Variants in CYP2C8 observed in about 807,000 individuals in gnomAD.
The protein encoded by CYP2C8 is cytochrome P450 2C8.
A neutral mutation model predicts 41.3 loss-of-function variants in CYP2C8; 51 were observed. The ratio of observed to expected loss-of-function variants is 1.24; its 90% CI spans 0.99 to 1.56. CYP2C8 has a LOEUF of 1.56. Ranked by LOEUF, CYP2C8 falls within the 40% of genes most tolerant of loss-of-function variation. The pLI, the probability that CYP2C8 is intolerant of heterozygous loss-of-function variation, is 0.00. For synonymous variants in CYP2C8, 218 were observed against 205.8 expected (o/e 1.06, Z -0.51); for missense variants, 651 against 579.9 (o/e 1.12, Z -1.26).
At position 95,065,252 on chromosome 10, in the gene CYP2C8, A is replaced by T. The variant is rs926422186; in HGVS notation, c.482-292T>A. On this transcript the variant is annotated intron_variant, in intron 3 of 8. Coordinates refer to ENST00000371270, the MANE Select transcript of CYP2C8 (RefSeq NM_000770.3). ...CTTTTATTTTGGAAGGAAAAAGAAG[A>T]CTTTTTTGAAATCCTAATAATTCAA... Among the ~76,000 whole-genome samples, 5 of 152,226 alleles carry T rather than the reference A, an allele frequency of 3.3e-5. No individual in the cohort carries two copies. The East Asian group carries it at 9.6e-4, about 29-fold the overall frequency.
At chr10:95,047,910 A>G (rs2033139997) in intron 5 of CYP2C8, among the ~76,000 whole-genome samples, 1 of 152,200 alleles carries the variant, frequency 6.6e-6, no homozygotes, top group Admixed American at 6.5e-5. Flanking sequence ...TGTGTGAACA[A>G]GGTAATATCC....
chr10:95,066,119 TGAGAGAGAGAGA>T (rs144502351), intron 3 of CYP2C8, among the ~76,000 whole-genome samples: 11 of 97,780 alleles, frequency 1.1e-4, no homozygotes, highest in East Asian at 5.2e-4. Context: ...GAAGCCTTGG[TGAGAGAGAGAGA>T]GAGAGAGAGA....
intron 5 of CYP2C8, among the ~76,000 whole-genome samples, chr10:95,057,134 G>T (rs2033330326): frequency 6.6e-6 from 1 of 152,078 alleles, no homozygotes; most frequent in Non-Finnish European, 1.5e-5. Flanking sequence ...ACTCCTGGGT[G>T]TTGCCATGGG....
At chr10:95,064,096 C>T (rs528135720) in intron 4 of CYP2C8, among the ~76,000 whole-genome samples, 6 of 152,276 alleles carry the variant, frequency 3.9e-5, no homozygotes, top group South Asian at 2.1e-4. Context: ...TTGAGGAGAC[C>T]GTCTGTCCAT....
intron 5 of CYP2C8, among the ~76,000 whole-genome samples, chr10:95,049,534 A>G (rs1463879638): frequency 1.3e-5 from 2 of 152,132 alleles, no homozygotes; most frequent in Non-Finnish European, 2.9e-5. Context: ...GCTGATGCCC[A>G]CTCACAGAGG....
At chr10:95,049,127 C>T (rs2033165435) in intron 5 of CYP2C8, among the ~76,000 whole-genome samples, 1 of 152,002 alleles carries the variant, frequency 6.6e-6, no homozygotes, top group Admixed American at 6.6e-5. Flanking sequence ...AGAAAAAAAT[C>T]CGAATAATCC....
Position 95,058,587 on chromosome 10 carries a change from A to G in CYP2C8, c.643-76T>C, listed in dbSNP as rs538902123. The G allele has an allele frequency of 4.8e-5, 61 of 1,279,944 alleles. 1 individual carries two copies. In the South Asian group the frequency reaches 7.9e-4, roughly 16 times the overall value. The allele number at this position is 1,279,944 out of a possible 1,614,324, so 79.3% of individuals were successfully genotyped here. ...CTTACACCAAGCCCTGATTGAAATT[A>G]TAACTATAAATATGAATAAGACATC... On this transcript the variant is annotated intron_variant, in intron 4 of 8. Coordinates refer to ENST00000371270, the MANE Select transcript of CYP2C8 (RefSeq NM_000770.3).
chr10:95,039,392 C>T (rs1031586801), intron 7 of CYP2C8: 46 of 296,024 alleles, frequency 1.6e-4, no homozygotes, highest in African/African-American at 9.9e-4. Context: ...AAATGGAAGT[C>T]TCTGTTGACA....
chr10:95,060,708 C>T (rs184779155), intron 4 of CYP2C8, among the ~76,000 whole-genome samples: 19 of 152,260 alleles, frequency 1.2e-4, no homozygotes, highest in African/African-American at 4.3e-4. Flanking sequence ...GAGAGGGCAT[C>T]CCTGTCTTGT....
intron 7 of CYP2C8, among the ~76,000 whole-genome samples, 173 bp downstream of exon 7, chr10:95,042,717 A>T (rs2033027095): frequency 1.3e-5 from 2 of 152,198 alleles, no homozygotes; most frequent in South Asian, 4.1e-4. Flanking sequence ...TATTAAGGAG[A>T]CCTAGCTTTA....
At chr10:95,064,507 A>G (rs1013474357) in intron 4 of CYP2C8, among the ~76,000 whole-genome samples, 5 of 152,200 alleles carry the variant, frequency 3.3e-5, no homozygotes, top group Non-Finnish European at 4.4e-5. Flanking sequence ...GAGTGACCCA[A>G]TTTTCCAGGT....
chr10:95,051,669 T>C (rs1175015936), intron 5 of CYP2C8, among the ~76,000 whole-genome samples: 2 of 152,146 alleles, frequency 1.3e-5, no homozygotes, highest in African/African-American at 4.8e-5. Flanking sequence ...TAAGTCAATT[T>C]TGTATAAGTT....
rs1228258261 is a variant in CYP2C8, at chr10:95,037,051, C to T, written c.*77G>A. The T allele has an allele frequency of 6.0e-6, 8 of 1,324,164 alleles. No individual in the cohort carries two copies. In the African/African-American group the frequency reaches 7.3e-5, roughly 12 times the overall value. 82.0% of individuals were successfully genotyped at this position (1,324,164 alleles called of 1,614,324 possible). Reference sequence around the variant, plus strand: ...AGATTTGATGAGAGGTCAGAGAAGACATAATAGTGGGAATGTCCTTGATAA... The same window carrying T: ...AGATTTGATGAGAGGTCAGAGAAGATATAATAGTGGGAATGTCCTTGATAA... On this transcript the variant is annotated 3_prime_UTR_variant, in exon 9 of 9. Transcript: ENST00000371270.
chr10:95,038,806 C>T (rs1008002443), intron 8 of CYP2C8, 91 bp downstream of exon 8: 6 of 1,223,960 alleles, frequency 4.9e-6, no homozygotes, highest in Admixed American at 1.8e-5. Flanking sequence ...AGCAATTCTA[C>T]CAGCCCCAGA....
chr10:95,044,605 T>C (rs1278091196), intron 6 of CYP2C8, among the ~76,000 whole-genome samples: 1 of 152,128 alleles, frequency 6.6e-6, no homozygotes, highest in Non-Finnish European at 1.5e-5. Context: ...GAATAGATCT[T>C]TCTCAAACCT....
chr10:95,046,001 T>A, intron 5 of CYP2C8, 50 bp from the exon 6 acceptor site: 1 of 1,591,732 alleles, frequency 6.3e-7, no homozygotes, highest in Non-Finnish European at 8.6e-7. Context: ...CCAGTATATC[T>A]AAATACACTA....
intron 4 of CYP2C8, among the ~76,000 whole-genome samples, chr10:95,061,231 T>C (rs2033421264): frequency 6.6e-6 from 1 of 152,230 alleles, no homozygotes; most frequent in Non-Finnish European, 1.5e-5. Context: ...AGCTCCTCCT[T>C]GTACCTCTGA....
Position 95,068,476 on chromosome 10 carries a change from TTCACA to T in CYP2C8, c.168+754_168+758del, listed in dbSNP as rs1373159699. On this transcript the variant is annotated intron_variant, in intron 1 of 8. Coordinates refer to ENST00000371270, the MANE Select transcript of CYP2C8 (RefSeq NM_000770.3). ...TTGCCCTGAACCCACAGATATTTAT[TTCACA>T]TCAGCCATCAAATGAATCTTCAGAG... The T allele has an allele frequency of 3.8e-5, 25 of 659,674 alleles. No individual in the cohort carries two copies. The Admixed American group carries it at 6.3e-4, about 17-fold the overall frequency. 40.9% of individuals were successfully genotyped at this position (659,674 alleles called of 1,614,324 possible). A position where few individuals can be genotyped will look rare whatever the true frequency, so the allele number is the denominator to read the frequency against.
At chr10:95,061,156 A>C (rs992348081) in intron 4 of CYP2C8, among the ~76,000 whole-genome samples, 3 of 152,216 alleles carry the variant, frequency 2.0e-5, no homozygotes, top group Non-Finnish European at 2.9e-5. Context: ...CTGGCCTCAT[A>C]AAATGAGTTA....
Sources: allele counts gnomAD v4.1 joint callset (sites outside exome capture counted in the v4.1 genomes callset), GRCh38; gene constraint gnomAD v4.1.1; transcripts MANE v1.5; gene names NCBI Gene and HGNC (gene_info 2026-07-23, HGNC 2026-07-21).